The following BLTP3B variants were observed in gnomAD, a reference collection of about 807,000 sequenced individuals.
BLTP3B encodes bridge-like lipid transfer protein family member 3B.
the BLTP3B span, among the ~76,000 whole-genome samples, chr12:100,116,331 G>A: frequency 3.4e-4 from 52 of 151,328 alleles, no homozygotes; most frequent in African/African-American, 1.1e-3. Flanking sequence ...GCAGGGGCCC[G>A]TAGTCCAAGT....
the BLTP3B span, among the ~76,000 whole-genome samples, chr12:100,132,188 T>C: frequency 6.6e-6 from 1 of 152,184 alleles, no homozygotes; most frequent in Admixed American, 6.5e-5. Flanking sequence ...TAAAAAGTGT[T>C]TAAACTGCAG....
the BLTP3B span, among the ~76,000 whole-genome samples, chr12:100,116,462 A>G: frequency 1.1e-4 from 17 of 151,076 alleles, no homozygotes; most frequent in South Asian, 4.2e-4. Context: ...AAAAAAAAAA[A>G]AAAAGAAAAG....
chr12:100,050,749 C>T, the BLTP3B span, among the ~76,000 whole-genome samples: 1 of 151,970 alleles, frequency 6.6e-6, no homozygotes. Flanking sequence ...GAGTTCAAGG[C>T]TGCAGTGGGC....
At chr12:100,116,625 C>A in the BLTP3B span, among the ~76,000 whole-genome samples, 13 of 152,044 alleles carry the variant, frequency 8.6e-5, no homozygotes, top group Non-Finnish European at 1.9e-4. Context: ...AAAAACTCTA[C>A]AGCTAAAATT....
At chr12:100,138,475 T>C in the BLTP3B span, among the ~76,000 whole-genome samples, 3 of 152,210 alleles carry the variant, frequency 2.0e-5, no homozygotes, top group African/African-American at 7.2e-5. Flanking sequence ...GAATATGCTG[T>C]GCAATGTAGA....
At chr12:100,078,651 C>T in the BLTP3B span, among the ~76,000 whole-genome samples, 1 of 152,144 alleles carries the variant, frequency 6.6e-6, no homozygotes, top group Non-Finnish European at 1.5e-5. Context: ...TCCATCCATC[C>T]ATATATTTAC....
At chr12:100,050,000 A>G in the BLTP3B span, among the ~76,000 whole-genome samples, 1 of 152,310 alleles carries the variant, frequency 6.6e-6, no homozygotes, top group East Asian at 1.9e-4. Context: ...ATGTCTTCCT[A>G]TTGAAGCTCC....
chr12:100,141,382 T>C, the BLTP3B span, among the ~76,000 whole-genome samples: 137 of 151,262 alleles, frequency 9.1e-4, no homozygotes, highest in African/African-American at 3.1e-3. Context: ...GTAGTACACA[T>C]ATATATGTAT....
chr12:100,091,003 A>G, the BLTP3B span, among the ~76,000 whole-genome samples: 1 of 151,142 alleles, frequency 6.6e-6, no homozygotes, highest in Non-Finnish European at 1.5e-5. Flanking sequence ...ATGGGCCACT[A>G]TAAGCTCTCT....
the BLTP3B span, among the ~76,000 whole-genome samples, chr12:100,138,234 G>A: frequency 6.6e-6 from 1 of 152,218 alleles, no homozygotes; most frequent in Admixed American, 6.5e-5. Context: ...TGAGATTCTA[G>A]GAGCTAGCTG....
chr12:100,125,724 A>T, the BLTP3B span, among the ~76,000 whole-genome samples: 1 of 152,244 alleles, frequency 6.6e-6, no homozygotes, highest in East Asian at 1.9e-4. Context: ...TATCCTTCAT[A>T]GCAAAAACTG....
At chr12:100,059,157 C>T in the BLTP3B span, 1 of 1,614,068 alleles carries the variant, frequency 6.2e-7, no homozygotes, top group Admixed American at 1.7e-5. Flanking sequence ...ACTTTTCATC[C>T]CTTCATAATC....
the BLTP3B span, among the ~76,000 whole-genome samples, chr12:100,056,096 G>A: frequency 9.9e-4 from 151 of 152,320 alleles, no homozygotes; most frequent in African/African-American, 3.5e-3. Context: ...ACCTGCAACA[G>A]TATGAATGCG....
At chr12:100,086,372 A>AG in the BLTP3B span, 36,444 of 436,810 alleles carry the variant, frequency 0.083, 1,642 homozygotes, top group East Asian at 0.25. Context: ...GGAAAAAAAA[A>AG]GGGGGGGGGG....
the BLTP3B span, among the ~76,000 whole-genome samples, chr12:100,094,258 A>G: frequency 1.3e-5 from 2 of 152,080 alleles, no homozygotes; most frequent in Non-Finnish European, 2.9e-5. Flanking sequence ...GGTATATGCC[A>G]CCACCACCAC....
chr12:100,092,439 T>C, the BLTP3B span, among the ~76,000 whole-genome samples: 1 of 152,178 alleles, frequency 6.6e-6, no homozygotes, highest in Non-Finnish European at 1.5e-5. Context: ...AACTTGCATA[T>C]GCCCACTAAC....
At chr12:100,060,135 C>T in the BLTP3B span, 1 of 1,030,706 alleles carries the variant, frequency 9.7e-7, no homozygotes, top group Non-Finnish European at 1.3e-6. Context: ...CAGTTTTATT[C>T]TTTCTTAAGA....
the BLTP3B span, among the ~76,000 whole-genome samples, chr12:100,125,324 G>A: frequency 6.3e-3 from 881 of 138,786 alleles, 7 homozygotes; most frequent in African/African-American, 0.024. Context: ...CAGAGCGACC[G>A]GTTTCCATCT....
At chr12:100,136,492 C>G in the BLTP3B span, among the ~76,000 whole-genome samples, 1 of 152,140 alleles carries the variant, frequency 6.6e-6, no homozygotes, top group Non-Finnish European at 1.5e-5. Flanking sequence ...ATCTTTGTAT[C>G]TCTAATGCCC....
Sources: allele counts gnomAD v4.1 joint callset (sites outside exome capture counted in the v4.1 genomes callset), GRCh38; gene constraint gnomAD v4.1.1; transcripts MANE v1.5; gene names NCBI Gene and HGNC (gene_info 2026-07-23, HGNC 2026-07-21).